ANTXR1: variants seen among roughly 807,000 people sequenced by gnomAD.
The protein encoded by ANTXR1 is ANTXR cell adhesion molecule 1.
Under a neutral mutation model 78.1 loss-of-function variants are expected in ANTXR1, and 19 were observed. The ratio of observed to expected loss-of-function variants is 0.24; its 90% CI spans 0.17 to 0.36. The LOEUF is 0.36. Among genes scored for constraint, ANTXR1 ranks in the 10% least tolerant of loss-of-function variants. ANTXR1 has a pLI of 1.00. For synonymous variants in ANTXR1, 273 were observed against 260.5 expected (o/e 1.05, Z -0.46); for missense variants, 518 against 718.6 (o/e 0.72, Z 3.19).
At chr2:69,042,237 T>C (rs1416672205) in intron 2 of ANTXR1, among the ~76,000 whole-genome samples, 7 of 152,210 alleles carry the variant, frequency 4.6e-5, no homozygotes, top group Non-Finnish European at 7.3e-5. Context: ...TTTCTAATAA[T>C]GATTCTTATG....
intron 10 of ANTXR1, among the ~76,000 whole-genome samples, chr2:69,122,722 C>T (rs1321033934): frequency 6.6e-6 from 1 of 152,086 alleles, no homozygotes; most frequent in African/African-American, 2.4e-5. Context: ...TTAGGTATAT[C>T]TCCTAATGCT....
Position 69,013,485 on chromosome 2 carries a change from C to A in ANTXR1, c.-15C>A. ...GTGGGAAGGAGCGGACCCTGCTCTC[C>A]CCGGGCTGCGGGCCATGGCCACGGC... On this transcript the variant is annotated 5_prime_UTR_variant, in exon 1 of 18. Coordinates refer to ENST00000303714, the MANE Select transcript of ANTXR1 (RefSeq NM_032208.3). The surrounding 1 kb of genome is among the most constrained non-coding windows in gnomAD (Gnocchi z 5.0). 6.3e-7 allele frequency: 1 copy of A among 1,586,592 alleles called. No individual in the cohort carries two copies.
chr2:69,030,362 A>T (rs1028049625), intron 1 of ANTXR1, among the ~76,000 whole-genome samples: 1 of 152,260 alleles, frequency 6.6e-6, no homozygotes, highest in Non-Finnish European at 1.5e-5. Flanking sequence ...AAGCTAGCAT[A>T]GATCTAATAA....
chr2:69,096,724 T>C (rs1234580980), intron 9 of ANTXR1, among the ~76,000 whole-genome samples: 1 of 152,198 alleles, frequency 6.6e-6, no homozygotes, highest in African/African-American at 2.4e-5. Flanking sequence ...AAAATACAGA[T>C]TTTCATCTTG....
chr2:69,077,962 A>T (rs920312576), intron 8 of ANTXR1, among the ~76,000 whole-genome samples: 1 of 152,248 alleles, frequency 6.6e-6, no homozygotes, highest in Non-Finnish European at 1.5e-5. Context: ...TCTGGGGTGC[A>T]GCCTGGACCT....
chr2:69,119,220 G>A (rs1003991940), intron 10 of ANTXR1, among the ~76,000 whole-genome samples: 1 of 152,196 alleles, frequency 6.6e-6, no homozygotes, highest in African/African-American at 2.4e-5. Flanking sequence ...GCTAACCCAG[G>A]AGCAGGGCAT....
chr2:69,208,431 T>A (rs1214057252), intron 17 of ANTXR1, among the ~76,000 whole-genome samples: 1 of 152,168 alleles, frequency 6.6e-6, no homozygotes, highest in African/African-American at 2.4e-5. Context: ...GTGCTATAAA[T>A]GCAAAATATA....
At chr2:69,120,333 G>A (rs562770753) in intron 10 of ANTXR1, among the ~76,000 whole-genome samples, 123 of 152,308 alleles carry the variant, frequency 8.1e-4, no homozygotes, top group African/African-American at 2.9e-3. Context: ...GTTGAGGACT[G>A]CCTGTATTAT....
chr2:69,098,748 G>A (rs1356006800), intron 9 of ANTXR1, among the ~76,000 whole-genome samples: 1 of 152,200 alleles, frequency 6.6e-6, no homozygotes, highest in African/African-American at 2.4e-5. Context: ...CATTTTGGGA[G>A]TCTGAGGCAG....
intron 12 of ANTXR1, among the ~76,000 whole-genome samples, chr2:69,142,900 T>C (rs1673109701): frequency 6.6e-6 from 1 of 152,176 alleles, no homozygotes; most frequent in Non-Finnish European, 1.5e-5. Context: ...TACCTAGCAG[T>C]CCACGAATAG....
chr2:69,075,791 A>G (rs1670713296), intron 7 of ANTXR1, 133 bp downstream of exon 7: 1 of 874,720 alleles, frequency 1.1e-6, no homozygotes, highest in Admixed American at 1.8e-5. Context: ...GAAATGCTAA[A>G]CAGGAAGGAA....
chr2:69,166,196 A>C (rs1450541265), intron 13 of ANTXR1, among the ~76,000 whole-genome samples: 1 of 152,228 alleles, frequency 6.6e-6, no homozygotes, highest in Admixed American at 6.5e-5. Context: ...TTTCAATTTG[A>C]TCAGATTCTA....
At chr2:69,180,193 T>C (rs1444507392) in intron 14 of ANTXR1, among the ~76,000 whole-genome samples, 1 of 152,262 alleles carries the variant, frequency 6.6e-6, no homozygotes, top group African/African-American at 2.4e-5. Context: ...TTTGCTTTTT[T>C]GCACCTTGCC....
rs1296110383 is a variant in ANTXR1, at chr2:69,247,624, T to A, written c.*2139T>A. 2 of 152,666 alleles carry A rather than the reference T, an allele frequency of 1.3e-5. No homozygotes were observed. The highest frequency in any genetic ancestry group is 4.8e-5 in the African/African-American group (2 of 41,446). 9.5% of individuals were successfully genotyped at this position (152,666 alleles called of 1,614,324 possible). A position where few individuals can be genotyped will look rare whatever the true frequency, so the allele number is the denominator to read the frequency against. Reference sequence around the variant, plus strand: ...ATATCTCAGCCACCTGCAGTGACATTGCTGGACCCCTGAAAACCATTCCAT... The same window carrying A: ...ATATCTCAGCCACCTGCAGTGACATAGCTGGACCCCTGAAAACCATTCCAT... On this transcript the variant is annotated 3_prime_UTR_variant, in exon 18 of 18. Coordinates refer to ENST00000303714, the MANE Select transcript of ANTXR1 (RefSeq NM_032208.3).
At chr2:69,148,878 CA>C (rs987073997) in intron 12 of ANTXR1, among the ~76,000 whole-genome samples, 13 of 152,222 alleles carry the variant, frequency 8.5e-5, no homozygotes, top group Admixed American at 3.3e-4. Context: ...CAGCAGAACA[CA>C]AGCATCTTGA....
intron 16 of ANTXR1, among the ~76,000 whole-genome samples, chr2:69,185,400 C>T (rs1026910749): frequency 2.6e-5 from 4 of 152,042 alleles, no homozygotes; most frequent in Non-Finnish European, 5.9e-5. Context: ...ATTAGCTGGG[C>T]GTGGTTGTGG....
chr2:69,020,209 G>T (rs1368744132), intron 1 of ANTXR1, among the ~76,000 whole-genome samples: 1 of 152,024 alleles, frequency 6.6e-6, no homozygotes, highest in East Asian at 1.9e-4. Flanking sequence ...GTTATCAGGG[G>T]CCAGGAATTT....
intron 17 of ANTXR1, among the ~76,000 whole-genome samples, chr2:69,218,627 G>T (rs1675238679): frequency 2.0e-5 from 3 of 152,146 alleles, no homozygotes; most frequent in Non-Finnish European, 2.9e-5. Flanking sequence ...AAGCACTTAT[G>T]CCATCTAGGT....
intron 8 of ANTXR1, among the ~76,000 whole-genome samples, chr2:69,089,139 T>C (rs534078152): frequency 2.6e-5 from 4 of 152,232 alleles, no homozygotes; most frequent in East Asian, 3.9e-4. Flanking sequence ...GGAATCAAAG[T>C]ATAAAAATGC....
Sources: allele counts gnomAD v4.1 joint callset (sites outside exome capture counted in the v4.1 genomes callset), GRCh38; gene constraint gnomAD v4.1.1; non-coding constraint Gnocchi (gnomAD v3.1); transcripts MANE v1.5; gene names NCBI Gene and HGNC (gene_info 2026-07-23, HGNC 2026-07-21).